The following CSMD1 variants were observed in gnomAD, a reference collection of about 807,000 sequenced individuals.
The protein encoded by CSMD1 is CUB and sushi domain-containing protein 1.
Under a neutral mutation model 417.5 loss-of-function variants are expected in CSMD1, and 213 were observed. The observed-to-expected ratio is 0.51, with a 90% CI of 0.46 to 0.57. CSMD1 has a LOEUF of 0.57. Among genes scored for constraint, CSMD1 ranks in the 20% least tolerant of loss-of-function variants. The probability of loss-of-function intolerance (pLI) is 0.00; values close to 1 mark genes in which losing one functional copy is unlikely to be tolerated. For missense variants in CSMD1, 6,923 were observed against 4,529.7 expected, an observed-to-expected ratio of 1.53 and a Z score of -15.17; for synonymous variants, 2,862 against 1,736.8, an observed-to-expected ratio of 1.65 and a Z score of -16.11.
At chr8:3,642,195 G>T (rs1348132424) in intron 7 of CSMD1, among the ~76,000 whole-genome samples, 8 of 151,256 alleles carry the variant, frequency 5.3e-5, no homozygotes, top group Non-Finnish European at 8.8e-5. Context: ...ATAATATATA[G>T]AAGATGATGT....
chr8:4,031,638 C>CATA (rs1797351792), intron 4 of CSMD1, among the ~76,000 whole-genome samples: 2 of 143,888 alleles, frequency 1.4e-5, no homozygotes, highest in Non-Finnish European at 3.1e-5. Context: ...TGACTTTTCT[C>CATA]GTATAACATG....
chr8:3,465,365 C>G (rs1042089771), intron 12 of CSMD1, among the ~76,000 whole-genome samples: 21 of 152,242 alleles, frequency 1.4e-4, no homozygotes, highest in African/African-American at 5.1e-4. Context: ...TTAGAGACAG[C>G]ACAAATGGAG....
intron 36 of CSMD1, among the ~76,000 whole-genome samples, chr8:3,183,730 C>T (rs1024461535): frequency 3.9e-5 from 6 of 152,222 alleles, no homozygotes; most frequent in Non-Finnish European, 7.3e-5. Flanking sequence ...CATCCATCCA[C>T]ATCATCACAT....
chr8:3,738,767 A>G (rs573010203), intron 6 of CSMD1, among the ~76,000 whole-genome samples: 2 of 152,310 alleles, frequency 1.3e-5, no homozygotes, highest in East Asian at 3.9e-4. Context: ...GTAAAATAAA[A>G]CAACCTCCGT....
At chr8:3,886,840 C>T (rs117087164) in intron 5 of CSMD1, among the ~76,000 whole-genome samples, 1,820 of 152,212 alleles carry the variant, frequency 0.012, 17 homozygotes, top group Middle Eastern at 0.058. Flanking sequence ...AGATCTAATT[C>T]AAAACTTTCT....
chr8:3,648,260 T>C (rs1585015568), intron 7 of CSMD1, among the ~76,000 whole-genome samples: 1 of 152,232 alleles, frequency 6.6e-6, no homozygotes, highest in East Asian at 1.9e-4. Flanking sequence ...CCAAATTATT[T>C]TCCTCTTTTC....
intron 5 of CSMD1, among the ~76,000 whole-genome samples, chr8:3,851,256 C>T (rs79244066): frequency 0.032 from 4,857 of 152,274 alleles, 126 homozygotes; most frequent in African/African-American, 0.076. Context: ...GACAAGGGTG[C>T]ATATCAGGGC....
intron 11 of CSMD1, among the ~76,000 whole-genome samples, chr8:3,469,853 G>A (rs1346866888): frequency 1.3e-5 from 2 of 152,206 alleles, no homozygotes; most frequent in Admixed American, 1.3e-4. Flanking sequence ...CTATTTCTGT[G>A]AATGCTGTGT....
chr8:2,986,299 T>C (rs73502837), intron 54 of CSMD1, among the ~76,000 whole-genome samples: 8,613 of 151,990 alleles, frequency 0.057, 733 homozygotes, highest in African/African-American at 0.18. Flanking sequence ...ATGAAGAGGG[T>C]ACTGTGGCTA....
chr8:4,337,507 A>G (rs980519164), intron 3 of CSMD1, among the ~76,000 whole-genome samples: 1 of 152,124 alleles, frequency 6.6e-6, no homozygotes, highest in Admixed American at 6.6e-5. Flanking sequence ...TTCTAAGGAT[A>G]ATTAATACTC....
intron 3 of CSMD1, among the ~76,000 whole-genome samples, chr8:4,393,632 T>C (rs1804009603): frequency 6.6e-6 from 1 of 152,198 alleles, no homozygotes; most frequent in Admixed American, 6.5e-5. Flanking sequence ...AAATTATCAA[T>C]GTTGAAAAGA....
chr8:3,046,221 G>C (rs1811429546), intron 50 of CSMD1, among the ~76,000 whole-genome samples: 1 of 152,182 alleles, frequency 6.6e-6, no homozygotes, highest in African/African-American at 2.4e-5. Context: ...GAGGCAGCGG[G>C]GGTTTCAGGC....
intron 25 of CSMD1, among the ~76,000 whole-genome samples, chr8:3,284,835 T>G (rs903851006): frequency 6.6e-6 from 1 of 152,226 alleles, no homozygotes; most frequent in Non-Finnish European, 1.5e-5. Flanking sequence ...GTCTGAATGG[T>G]CTGCTCTTGT....
chr8:3,936,332 A>T (rs1435989764), intron 5 of CSMD1, among the ~76,000 whole-genome samples: 1 of 152,166 alleles, frequency 6.6e-6, no homozygotes, highest in Non-Finnish European at 1.5e-5. Flanking sequence ...GAGTGTAAAC[A>T]AAGCAGCCTT....
chr8:3,307,089 G>GAAGAAATAC (rs1210305077), intron 25 of CSMD1, among the ~76,000 whole-genome samples: 4 of 152,114 alleles, frequency 2.6e-5, no homozygotes, highest in Non-Finnish European at 5.9e-5. Flanking sequence ...TTTAAAATAT[G>GAAGAAATAC]ACTTTGCTTC....
chr8:3,953,020 G>C (rs1425879090), intron 5 of CSMD1, among the ~76,000 whole-genome samples: 1 of 151,962 alleles, frequency 6.6e-6, no homozygotes, highest in African/African-American at 2.4e-5. Flanking sequence ...AAATACATGA[G>C]AAGGTTTACT....
chr8:4,696,342 T>C (rs551113205), intron 1 of CSMD1, among the ~76,000 whole-genome samples: 1 of 152,350 alleles, frequency 6.6e-6, no homozygotes, highest in Admixed American at 6.5e-5. Flanking sequence ...TAGATTATTG[T>C]TTAGTTCATC....
chr8:4,887,951 T>C (rs951994640), intron 1 of CSMD1, among the ~76,000 whole-genome samples: 2 of 152,094 alleles, frequency 1.3e-5, no homozygotes, highest in Admixed American at 6.6e-5. Flanking sequence ...GTAGTCAATA[T>C]ATGGTTAAAT....
intron 3 of CSMD1, among the ~76,000 whole-genome samples, chr8:4,415,307 G>T (rs956999824): frequency 6.6e-6 from 1 of 152,114 alleles, no homozygotes; most frequent in East Asian, 1.9e-4. Flanking sequence ...CTCAAAGACA[G>T]GCATCTGTTT....
Sources: gnomAD v4.1 joint callset for allele counts (sites outside exome capture counted in the v4.1 genomes callset) on GRCh38, gnomAD v4.1.1 for gene constraint, MANE v1.5 for transcripts, NCBI Gene and HGNC (gene_info 2026-07-23, HGNC 2026-07-21) for gene names.